Variants in KYNU observed in about 807,000 individuals in gnomAD.
KYNU encodes the protein L-kynurenine hydrolase.
Under a neutral mutation model 59.2 loss-of-function variants are expected in KYNU, and 54 were observed. The ratio of observed to expected loss-of-function variants is 0.91; its 90% confidence interval spans 0.73 to 1.14. The LOEUF (loss-of-function observed/expected upper bound fraction) is 1.14, where lower values mean the gene tolerates loss of function less well. Ranked by LOEUF, KYNU falls within the 50% of genes most tolerant of loss-of-function variation. The pLI is 0.00. For synonymous variants in KYNU, 177 were observed against 192.0 expected, an observed-to-expected ratio of 0.92 and a Z score of 0.65; for missense variants, 567 against 554.4, an observed-to-expected ratio of 1.02 and a Z score of -0.23.
intron 12 of KYNU, among the ~76,000 whole-genome samples, chr2:143,038,394 C>T (rs760624361): frequency 3.9e-5 from 6 of 152,130 alleles, no homozygotes; most frequent in African/African-American, 1.4e-4. Flanking sequence ...TGTCCCTTGA[C>T]CCAAAACTTG....
intron 1 of KYNU, among the ~76,000 whole-genome samples, chr2:142,883,610 T>C (rs73963774): frequency 0.02 from 2,985 of 152,192 alleles, 113 homozygotes; most frequent in African/African-American, 0.069. Context: ...GCCAAGCCCA[T>C]TTCCACCCCA....
At chr2:142,932,679 G>C (rs1683262836) in intron 4 of KYNU, among the ~76,000 whole-genome samples, 1 of 150,310 alleles carries the variant, frequency 6.7e-6, no homozygotes, top group Non-Finnish European at 1.5e-5. Flanking sequence ...CTGTCAGTGT[G>C]AGAGCTTGAG....
At chr2:142,956,461 C>T (rs932886887) in intron 6 of KYNU, among the ~76,000 whole-genome samples, 187 bp downstream of exon 6, 1 of 151,924 alleles carries the variant, frequency 6.6e-6, no homozygotes, top group Non-Finnish European at 1.5e-5. Context: ...AAGTAAAACA[C>T]GTGTTAAGGG....
chr2:142,964,969 A>G (rs1378188236), intron 8 of KYNU, among the ~76,000 whole-genome samples: 1 of 152,138 alleles, frequency 6.6e-6, no homozygotes, highest in African/African-American at 2.4e-5. Flanking sequence ...CCATGTTTCT[A>G]TATTTTTCAT....
intron 6 of KYNU, among the ~76,000 whole-genome samples, chr2:142,956,516 G>C (rs1223872758): frequency 6.6e-6 from 1 of 152,160 alleles, no homozygotes; most frequent in Non-Finnish European, 1.5e-5. Context: ...TCTTTTTAAA[G>C]ACATTGAGCA....
chr2:143,034,524 T>C (rs545546629), intron 12 of KYNU, among the ~76,000 whole-genome samples: 1 of 152,328 alleles, frequency 6.6e-6, no homozygotes, highest in Non-Finnish European at 1.5e-5. Flanking sequence ...CATCACCTCA[T>C]TTCATTCTGT....
rs1687253548 is a variant in KYNU at position 143,050,850 on chromosome 2, T to G, written c.*8678T>G. 1 of 152,216 alleles carries G rather than the reference T, an allele frequency of 6.6e-6. No individual in the cohort carries two copies. Among genetic ancestry groups the G allele is most frequent in the Non-Finnish European group, 1.5e-5 (1 of 68,036 alleles). 9.4% of individuals were successfully genotyped at this position (152,216 alleles called of 1,614,324 possible). ...TTGTTAGAACATTGATTTTTTTAAG[T>G]AAATGGATTTTTGCACCACTTCAAG... On this transcript the variant is annotated 3_prime_UTR_variant, in exon 14 of 14. Transcript: ENST00000264170.
chr2:142,987,328 G>C (rs184933030), intron 10 of KYNU, among the ~76,000 whole-genome samples: 36 of 151,908 alleles, frequency 2.4e-4, no homozygotes, highest in African/African-American at 8.7e-4. Flanking sequence ...GGGTGGGGGG[G>C]AAGAAGTAAT....
chr2:142,999,204 G>A (rs1000200232), intron 10 of KYNU, among the ~76,000 whole-genome samples: 1 of 151,998 alleles, frequency 6.6e-6, no homozygotes, highest in South Asian at 2.1e-4. Flanking sequence ...CCTGGGTCAT[G>A]ATGGTCTATA....
rs190602904 is a variant in KYNU, at chr2:142,893,580, C to T, written c.169+8044C>T. ...AACCTTGCTGTAAAAGGAAACATAA[C>T]AAGGAACAAAAGGAAATGAATGAAT... On this transcript the variant is annotated intron_variant, in intron 2 of 13. Coordinates refer to ENST00000264170, the MANE Select transcript of KYNU (RefSeq NM_003937.3). 3.2e-4 allele frequency among the ~76,000 whole-genome samples: 48 copies of T among 151,908 alleles called. 1 individual carries two copies. Among genetic ancestry groups the T allele is most frequent in the Non-Finnish European group, 5.4e-4 (37 of 67,950 alleles).
At chr2:142,885,237 C>T in intron 1 of KYNU, 112 bp from the exon 2 acceptor site, 1 of 808,226 alleles carries the variant, frequency 1.2e-6, no homozygotes, top group Non-Finnish European at 2.1e-6. Flanking sequence ...TATATTATTC[C>T]TGAGGTTGGG....
At chr2:142,986,177 T>A (rs527762428) in intron 10 of KYNU, among the ~76,000 whole-genome samples, 156 bp downstream of exon 10, 6 of 151,994 alleles carry the variant, frequency 3.9e-5, no homozygotes, top group Non-Finnish European at 8.8e-5. Flanking sequence ...TATACTTCAT[T>A]TGAAATACAT....
rs1348746446 is a variant in KYNU, at chr2:143,054,050, T to C, written c.*11878T>C. On this transcript the variant is annotated 3_prime_UTR_variant, in exon 14 of 14. Transcript: ENST00000264170. ...CATTTTGGTGACCAGAGGTAAAGCA[T>C]TTTATGTTGATTCTTGAGTGAGAGA... The C allele has an allele frequency of 6.6e-6, 1 of 152,214 alleles. No individual in the cohort carries two copies. The highest frequency in any genetic ancestry group is 1.5e-5 in the Non-Finnish European group (1 of 68,028). 9.4% of individuals were successfully genotyped at this position (152,214 alleles called of 1,614,324 possible). A position where few individuals can be genotyped will look rare whatever the true frequency, so the allele number is the denominator to read the frequency against.
chr2:142,951,793 T>G (rs1416537345), intron 4 of KYNU, among the ~76,000 whole-genome samples: 1 of 152,200 alleles, frequency 6.6e-6, no homozygotes, highest in Non-Finnish European at 1.5e-5. Flanking sequence ...AAGTTTAATT[T>G]AAAGTGGTCC....
rs565499038 is a variant in KYNU, at chr2:143,020,838, T to A, written c.903-8789T>A. ...GAATTTCGTAGGTCAATGGTGTTTA[T>A]CTTTATAACTTTGGTAGCTATTGCT... On this transcript the variant is annotated intron_variant, in intron 10 of 13. Coordinates refer to ENST00000264170, the MANE Select transcript of KYNU (RefSeq NM_003937.3). 2.0e-5 allele frequency among the ~76,000 whole-genome samples: 3 copies of A among 152,320 alleles called. No homozygotes were observed. In the South Asian group the frequency reaches 6.2e-4, roughly 32 times the overall value.
chr2:142,957,591 CTTCT>C (rs1476390819), intron 6 of KYNU, 46 bp from the exon 7 acceptor site: 2 of 1,095,618 alleles, frequency 1.8e-6, no homozygotes, highest in African/African-American at 3.1e-5. Context: ...TTTCAATGTA[CTTCT>C]GTGCTCTCAG....
Position 143,045,261 on chromosome 2 carries a change from A to C in KYNU, c.*3089A>C, listed in dbSNP as rs1055400059. The C allele has an allele frequency of 3.3e-5, 5 of 152,178 alleles. No homozygotes were observed. The highest frequency in any genetic ancestry group is 7.3e-5 in the Non-Finnish European group (5 of 68,044). The allele number at this position is 152,178 out of a possible 1,614,324, so 9.4% of individuals were successfully genotyped here. A position where few individuals can be genotyped will look rare whatever the true frequency, so the allele number is the denominator to read the frequency against. On this transcript the variant is annotated 3_prime_UTR_variant, in exon 14 of 14. Coordinates refer to ENST00000264170, the MANE Select transcript of KYNU (RefSeq NM_003937.3). ...CTTGTAGTATAGTTTGAAGTCAGGT[A>C]GTGTGATGCCTCCAGCTTTGTTCTT...
rs1417877910 is a variant in KYNU, at chr2:143,033,256, G to A, written c.976G>A (p.Val326Ile). ...MDNKLQLIPG[V>I]CGFRISNPPI... ...CTCAGAACTGCAGTTAATCCCTGGG[G>A]TCTGTGGATTCCGAATTTCAAATCC... is the stretch of plus-strand genomic sequence containing the variant. The change falls in exon 12 of 14, where the codon GTC becomes ATC. Residue 326 changes from valine (V) to isoleucine (I), a missense_variant. Val to Ile is a conservative substitution (Grantham distance 29). Transcript: ENST00000264170. 1.2e-6 allele frequency: 2 copies of A among 1,612,764 alleles called. No individual in the cohort carries two copies. Among genetic ancestry groups the A allele is most frequent in the African/African-American group, 1.3e-5 (1 of 74,868 alleles).
intron 12 of KYNU, among the ~76,000 whole-genome samples, chr2:143,036,385 G>A (rs1030030076): frequency 1.3e-5 from 2 of 151,914 alleles, no homozygotes; most frequent in Non-Finnish European, 2.9e-5. Context: ...TATTTGTCCC[G>A]ATTGGCTAGT....
Sources: allele counts gnomAD v4.1 joint callset (sites outside exome capture counted in the v4.1 genomes callset), GRCh38; gene constraint gnomAD v4.1.1; transcripts MANE v1.5; gene names NCBI Gene and HGNC (gene_info 2026-07-23, HGNC 2026-07-21).